PRG4: variants seen among roughly 807,000 people sequenced by gnomAD.
The protein encoded by PRG4 is articular superficial zone protein.
A neutral mutation model predicts 91.2 loss-of-function variants in PRG4; 61 were observed. The ratio of observed to expected loss-of-function variants is 0.67; its 90% CI spans 0.54 to 0.83. The LOEUF (loss-of-function observed/expected upper bound fraction) is 0.83. Among genes scored for constraint, PRG4 ranks in the 40% least tolerant of loss-of-function variants. The probability of loss-of-function intolerance (pLI) is 0.00; values close to 1 mark genes in which losing one functional copy is unlikely to be tolerated. For synonymous variants in PRG4, 576 were observed against 614.2 expected (o/e 0.94, Z 0.92); for missense variants, 1,564 against 1,714.2 (o/e 0.91, Z 1.55).
rs778788603 is a variant in PRG4 at position 186,306,625 on chromosome 1, G to A, written c.906G>A (p.Glu302=). 1 of 1,613,536 alleles carries A rather than the reference G, an allele frequency of 6.2e-7. No individual in the cohort carries two copies. The highest frequency in any genetic ancestry group is 8.5e-7 in the Non-Finnish European group (1 of 1,179,650). The change falls in exon 7 of 13, where the codon GAG becomes GAA. Residue 302 remains glutamate, a synonymous_variant. Coordinates refer to ENST00000445192, the MANE Select transcript of PRG4 (RefSeq NM_005807.6). ...AACAGACTTCAACTGATGGAAAAGA[G>A]AAGACTACTTCCGCTAAAGAGACAC... ...TNKQTSTDGK[E]KTTSAKETQS...
At chr1:186,299,529 G>A (rs1029161702) in intron 2 of PRG4, among the ~76,000 whole-genome samples, 4 of 152,128 alleles carry the variant, frequency 2.6e-5, no homozygotes, top group South Asian at 2.1e-4. Context: ...ATCTAAATTA[G>A]GACAATTATA....
Position 186,304,092 on chromosome 1 carries a change from T to A in PRG4, c.320-16T>A. 1 of 1,613,710 alleles carries A rather than the reference T, an allele frequency of 6.2e-7. No homozygotes were observed. Among genetic ancestry groups the A allele is most frequent in the Non-Finnish European group, 8.5e-7 (1 of 1,179,584 alleles). On this transcript the variant is annotated splice_polypyrimidine_tract_variant and intron_variant, in intron 4 of 12. Transcript: ENST00000445192. ...CATAAACAAGATGTTAACTGACTTG[T>A]CTTACTTGGCCTCAGTGCATAATCC...
In PRG4 at chr1:186,303,967, C is replaced by T. The variant is rs78112839; in HGVS notation, c.320-141C>T. The T allele has an allele frequency of 2.5e-4, 213 of 837,600 alleles. No homozygotes were observed. The African/African-American group carries it at 3.2e-3, about 13-fold the overall frequency. The allele number at this position is 837,600 out of a possible 1,614,324, so 51.9% of individuals were successfully genotyped here. Reference sequence around the variant, plus strand: ...ATGCATCCTTAGACTTAAATGGAGTCATTCGTGTTGAGCTGGAGCCTGCCT... The same window carrying T: ...ATGCATCCTTAGACTTAAATGGAGTTATTCGTGTTGAGCTGGAGCCTGCCT... On this transcript the variant is annotated intron_variant, in intron 4 of 12. Coordinates refer to ENST00000445192, the MANE Select transcript of PRG4 (RefSeq NM_005807.6).
At chr1:186,310,481 C>G (rs1657117816) in intron 8 of PRG4, among the ~76,000 whole-genome samples, 1 of 152,072 alleles carries the variant, frequency 6.6e-6, no homozygotes. Context: ...CTGTAAGTCA[C>G]AAAGCCAAAA....
intron 2 of PRG4, among the ~76,000 whole-genome samples, chr1:186,298,366 A>T (rs1655985097): frequency 6.6e-6 from 1 of 152,202 alleles, no homozygotes; most frequent in African/African-American, 2.4e-5. Context: ...TGGGCAACAG[A>T]GTGAGACTCT....
intron 2 of PRG4, 63 bp from the exon 3 acceptor site, chr1:186,300,028 T>C: frequency 6.3e-7 from 1 of 1,587,562 alleles, no homozygotes; most frequent in Non-Finnish European, 8.6e-7. Context: ...GTCCCCCTCG[T>C]TAGATTGCTC....
Position 186,301,712 on chromosome 1 carries a change from G to A in PRG4, c.319+1G>A, listed in dbSNP as rs1179322423. On this transcript the variant is annotated splice_donor_variant, in intron 4 of 12. Transcript: ENST00000445192. LOFTEE classifies it high-confidence loss of function. ...GATTATGAGAGTTTCTGTGCAGAAGGTAAGCATCACAGTACCAACCAATGC... is the reference window on the plus strand; with the variant it reads ...GATTATGAGAGTTTCTGTGCAGAAGATAAGCATCACAGTACCAACCAATGC... 2.5e-6 allele frequency: 4 copies of A among 1,613,564 alleles called. No individual in the cohort carries two copies. Among genetic ancestry groups the A allele is most frequent in the Non-Finnish European group, 1.7e-6 (2 of 1,179,634 alleles).
At chr1:186,304,664 T>A in intron 5 of PRG4, 130 bp from the exon 6 acceptor site, 1 of 1,173,020 alleles carries the variant, frequency 8.5e-7, no homozygotes, top group South Asian at 1.4e-5. Context: ...CAGTTGGTCA[T>A]ATTACTAATA....
Position 186,313,834 on chromosome 1 carries a change from C to G in PRG4, c.*56C>G. 1 of 1,501,928 alleles carries G rather than the reference C, an allele frequency of 6.7e-7. No individual in the cohort carries two copies. The highest frequency in any genetic ancestry group is 1.1e-5 in the South Asian group (1 of 88,744). 93.0% of individuals were successfully genotyped at this position (1,501,928 alleles called of 1,614,324 possible). The stretch of plus-strand genomic sequence containing the variant: ...AAGAAATGAATAATAAATTTTGACA[C>G]TGAAAAACATTTTATTAATAAAGAA... On this transcript the variant is annotated 3_prime_UTR_variant, in exon 13 of 13. Transcript: ENST00000445192.
chr1:186,307,533 C>T lies in PRG4; in HGVS notation c.1814C>T (p.Pro605Leu). ...TTTKKPAPTT[P>L]KEPAPTTPKE... Reference sequence around the variant, plus strand: ...ACCAAGAAGCCTGCACCCACCACTCCCAAAGAGCCTGCCCCAACTACCCCC... The same window carrying T: ...ACCAAGAAGCCTGCACCCACCACTCTCAAAGAGCCTGCCCCAACTACCCCC... The change falls in exon 7 of 13, where the codon CCC (proline) becomes CTC (leucine). Residue 605 changes from proline to leucine, a missense_variant. Transcript: ENST00000445192. The T allele has an allele frequency of 6.3e-7, 1 of 1,576,170 alleles. No individual in the cohort carries two copies. The highest frequency in any genetic ancestry group is 8.7e-7 in the Non-Finnish European group (1 of 1,151,488).
At chr1:186,300,026 C>A in intron 2 of PRG4, 65 bp from the exon 3 acceptor site, 1 of 1,583,192 alleles carries the variant, frequency 6.3e-7, no homozygotes, top group Non-Finnish European at 8.7e-7. Context: ...TTGTCCCCCT[C>A]GTTAGATTGC....
At chr1:186,311,295 A>G in intron 9 of PRG4, 125 bp downstream of exon 9, 3 of 1,416,922 alleles carry the variant, frequency 2.1e-6, no homozygotes, top group South Asian at 2.4e-5. Flanking sequence ...AAATTTAATC[A>G]TAATTCAACA....
intron 6 of PRG4, 90 bp downstream of exon 6, chr1:186,305,012 C>T: frequency 1.5e-6 from 2 of 1,337,404 alleles, no homozygotes; most frequent in Non-Finnish European, 2.1e-6. Context: ...AGAATGAGGA[C>T]ATCTTAATAT....
intron 8 of PRG4, among the ~76,000 whole-genome samples, 200 bp downstream of exon 8, chr1:186,310,070 A>C (rs1657066123): frequency 7.4e-6 from 1 of 135,448 alleles, no homozygotes; most frequent in Non-Finnish European, 1.6e-5. Context: ...CAAAACCAAG[A>C]CCCTGAACTG....
In PRG4 at chr1:186,306,578, A is replaced by G. The variant is rs1656584667; in HGVS notation, c.859A>G (p.Lys287Glu). The change falls in exon 7 of 13, where the codon AAA (lysine) becomes GAA (glutamate). Residue 287 changes from lysine to glutamate, a missense_variant. Physicochemically the swap from Lys to Glu is moderately conservative, Grantham distance 56. Coordinates refer to ENST00000445192, the MANE Select transcript of PRG4 (RefSeq NM_005807.6). ...GAATAAAGAGACAACAGTTGAAACT[A>G]AAGAAACTACTACAACAAATAAACA... The part of the protein sequence containing the change: ...TVNKETTVET[K>E]ETTTTNKQTS... The G allele has an allele frequency of 6.2e-7, 1 of 1,613,298 alleles. No individual in the cohort carries two copies. Among genetic ancestry groups the G allele is most frequent in the African/African-American group, 1.3e-5 (1 of 74,836 alleles).
At chr1:186,302,493 G>T (rs1656290531) in intron 4 of PRG4, among the ~76,000 whole-genome samples, 1 of 152,204 alleles carries the variant, frequency 6.6e-6, no homozygotes, top group South Asian at 2.1e-4. Context: ...ATTTGTGGAG[G>T]TAAAAGTGAA....
rs568312684 is a variant in PRG4, at chr1:186,311,492, A to C, written c.3689A>C (p.Lys1230Thr). 6.2e-7 allele frequency: 1 copy of C among 1,613,948 alleles called. No homozygotes were observed. The highest frequency in any genetic ancestry group is 1.1e-5 in the South Asian group (1 of 91,070). The change falls in exon 10 of 13, where the codon AAA becomes ACA. Residue 1230 changes from lysine to threonine, a missense_variant. Lys to Thr is a moderately conservative substitution (Grantham distance 78, BLOSUM62 -1). Transcript: ENST00000445192. ...GATATAAAAGATGCAGGGTACCCCA[A>C]ACCAATTTTCAAAGGATTTGGAGGA... ...TNDIKDAGYP[K>T]PIFKGFGGLT...
rs1406678014 is a variant in PRG4, at chr1:186,311,558, A to AT, written c.3756dup (p.Lys1253Ter). ...GTGGCAGCGCTTTCAACAGCTAAATATAAGAACTGGCCTGAATCTGTGTAT... is the reference window on the plus strand; with the variant it reads ...GTGGCAGCGCTTTCAACAGCTAAATATTAAGAACTGGCCTGAATCTGTGTAT... On this transcript the variant is annotated frameshift_variant, in exon 10 of 13. Coordinates refer to ENST00000445192, the MANE Select transcript of PRG4 (RefSeq NM_005807.6). LOFTEE classifies it high-confidence loss of function. The AT allele has an allele frequency of 1.9e-6, 3 of 1,613,988 alleles. No individual in the cohort carries two copies. The highest frequency in any genetic ancestry group is 3.3e-5 in the Admixed American group (2 of 60,014).
chr1:186,309,270 T>C, intron 7 of PRG4, 130 bp downstream of exon 7: 7 of 970,966 alleles, frequency 7.2e-6, no homozygotes, highest in Non-Finnish European at 1.1e-5. Context: ...TGTGAAGTTT[T>C]ACAGCTTCCC....
Sources: allele counts gnomAD v4.1 joint callset (sites outside exome capture counted in the v4.1 genomes callset), GRCh38; gene constraint gnomAD v4.1.1; transcripts MANE v1.5; gene names NCBI Gene and HGNC (gene_info 2026-07-23, HGNC 2026-07-21).